Variants in SYT9 observed in about 807,000 individuals in gnomAD.
The protein encoded by SYT9 is synaptotagmin 9, also known as synaptotagmin-9.
Under a neutral mutation model 48.4 loss-of-function variants are expected in SYT9, and 22 were observed. The ratio of observed to expected loss-of-function variants is 0.45; its 90% confidence interval spans 0.32 to 0.65. The LOEUF (loss-of-function observed/expected upper bound fraction) is 0.65, where lower values mean the gene tolerates loss of function less well. Ranked by LOEUF, SYT9 falls within the 30% of genes least tolerant of loss-of-function variation. The pLI is 0.03. For missense variants in SYT9, 577 were observed against 622.0 expected (o/e 0.93, Z 0.77); for synonymous variants, 265 against 245.0 (o/e 1.08, Z -0.76).
chr11:7,293,077 G>A (rs921321013), intron 1 of SYT9, among the ~76,000 whole-genome samples: 5 of 152,152 alleles, frequency 3.3e-5, no homozygotes, highest in Non-Finnish European at 5.9e-5. Context: ...GGTGATGCCA[G>A]TGTGAAGAGG....
At chr11:7,429,411 C>A (rs1847524603) in intron 6 of SYT9, among the ~76,000 whole-genome samples, 1 of 152,086 alleles carries the variant, frequency 6.6e-6, no homozygotes, top group African/African-American at 2.4e-5. Context: ...TATAGAAGAT[C>A]CAGGTTTAGG....
intron 1 of SYT9, among the ~76,000 whole-genome samples, chr11:7,258,743 A>C (rs1363780343): frequency 1.3e-5 from 2 of 152,132 alleles, no homozygotes. Flanking sequence ...GTAAATGCTC[A>C]AATAAATGAT....
At chr11:7,326,538 A>G (rs1295678504) in intron 3 of SYT9, among the ~76,000 whole-genome samples, 5 of 151,446 alleles carry the variant, frequency 3.3e-5, no homozygotes, top group Non-Finnish European at 7.4e-5. Flanking sequence ...CGGTCTATCA[A>G]TTTTGTTGAT....
intron 6 of SYT9, among the ~76,000 whole-genome samples, chr11:7,466,242 T>C (rs1848332671): frequency 6.6e-6 from 1 of 152,212 alleles, no homozygotes; most frequent in Non-Finnish European, 1.5e-5. Context: ...ATGCTCTCTA[T>C]AGACCTCCTC....
chr11:7,283,164 TACACAC>T (rs1200255879), intron 1 of SYT9, among the ~76,000 whole-genome samples: 5 of 138,364 alleles, frequency 3.6e-5, no homozygotes, highest in Non-Finnish European at 6.3e-5. Flanking sequence ...TATATATATA[TACACAC>T]ACACACACAC....
rs201098536 is a variant in SYT9 at position 7,313,018 on chromosome 11, AATTAT to A, written c.498-369_498-365del. Among the ~76,000 whole-genome samples, 1,517 of 152,360 alleles carry A rather than the reference AATTAT, an allele frequency of 1.0e-2. 19 individuals are homozygous for A. Among genetic ancestry groups the A allele is most frequent in the African/African-American group, 0.033 (1,393 of 41,584 alleles). ...CAACACTTGGCTATTTCAATTTCAG[AATTAT>A]ATTATATATAAAGTTGAATAATTTT... On this transcript the variant is annotated intron_variant, in intron 2 of 6. Coordinates refer to ENST00000318881, the MANE Select transcript of SYT9 (RefSeq NM_175733.4).
chr11:7,258,897 C>G (rs1040306095), intron 1 of SYT9, among the ~76,000 whole-genome samples: 2 of 151,870 alleles, frequency 1.3e-5, no homozygotes, highest in Admixed American at 1.3e-4. Context: ...ATTTTATTAC[C>G]TCTTATTAGC....
chr11:7,410,672 T>G (rs541407567), intron 3 of SYT9, among the ~76,000 whole-genome samples: 1 of 152,320 alleles, frequency 6.6e-6, no homozygotes, highest in Non-Finnish European at 1.5e-5. Flanking sequence ...TAGCTACTTC[T>G]GCTGACTTTG....
intron 3 of SYT9, among the ~76,000 whole-genome samples, chr11:7,369,655 A>G (rs1850319643): frequency 6.6e-6 from 1 of 151,654 alleles, no homozygotes; most frequent in Non-Finnish European, 1.5e-5. Context: ...TTTTTGTGTA[A>G]GGTGTAAGGA....
intron 1 of SYT9, among the ~76,000 whole-genome samples, chr11:7,264,346 T>C (rs1848133965): frequency 2.0e-5 from 3 of 151,872 alleles, no homozygotes; most frequent in African/African-American, 4.8e-5. Flanking sequence ...TCAGCATAGG[T>C]GTGTGTGTTT....
chr11:7,267,077 T>G, intron 1 of SYT9, among the ~76,000 whole-genome samples: 2 of 152,252 alleles, frequency 1.3e-5, no homozygotes, highest in Admixed American at 1.3e-4. Flanking sequence ...AAGTGAGACT[T>G]ATTTTAGGTT....
chr11:7,436,301 G>C (rs1013805590), intron 6 of SYT9, among the ~76,000 whole-genome samples: 2 of 152,194 alleles, frequency 1.3e-5, no homozygotes, highest in African/African-American at 2.4e-5. Context: ...ACTGAAGAAA[G>C]AGCAGGTTAG....
intron 6 of SYT9, among the ~76,000 whole-genome samples, chr11:7,424,235 A>C (rs942141507): frequency 6.6e-6 from 1 of 152,170 alleles, no homozygotes; most frequent in Non-Finnish European, 1.5e-5. Context: ...ATTCTGGATG[A>C]ATTCACTGCA....
intron 1 of SYT9, among the ~76,000 whole-genome samples, chr11:7,256,554 A>G (rs1309254105): frequency 1.3e-5 from 2 of 152,200 alleles, no homozygotes; most frequent in African/African-American, 4.8e-5. Context: ...GTCACATCAC[A>G]TGTACTGAAA....
Position 7,303,043 on chromosome 11 carries a change from C to T in SYT9, c.150C>T (p.Ile50=). 1.9e-6 allele frequency: 3 copies of T among 1,613,686 alleles called. No individual in the cohort carries two copies. The highest frequency in any genetic ancestry group is 2.5e-6 in the Non-Finnish European group (3 of 1,179,596). ...TTGATCTTTGCTTCTTTGCAGATAT[C>T]TCAGTGAGCCTGCTGACCCTTGTGG... ...RARPRLRDPD[I]SVSLLTLVVT... The change falls in exon 2 of 7, where the codon ATC becomes ATT. Residue 50 remains isoleucine, a synonymous_variant. Transcript: ENST00000318881.
chr11:7,262,165 C>A (rs183186904), intron 1 of SYT9, among the ~76,000 whole-genome samples: 84 of 152,174 alleles, frequency 5.5e-4, no homozygotes, highest in Non-Finnish European at 1.0e-3. Flanking sequence ...ACAACATTTA[C>A]TAATAGATGG....
At chr11:7,371,923 A>C (rs1473747857) in intron 3 of SYT9, among the ~76,000 whole-genome samples, 1 of 152,072 alleles carries the variant, frequency 6.6e-6, no homozygotes, top group Non-Finnish European at 1.5e-5. Context: ...GGGTTGTTTC[A>C]AATTTTTTGT....
At chr11:7,453,882 G>A (rs575351560) in intron 6 of SYT9, 9 of 537,992 alleles carry the variant, frequency 1.7e-5, no homozygotes, top group East Asian at 2.9e-4. Flanking sequence ...AGGCCAGGGC[G>A]CAGAGGGCAT....
chr11:7,453,660 G>T (rs79881235), intron 6 of SYT9, among the ~76,000 whole-genome samples: 12,151 of 152,272 alleles, frequency 0.08, 740 homozygotes, highest in Non-Finnish European at 0.13. Flanking sequence ...GCTGGGGAAG[G>T]CCCTGAGAAA....
Sources: gnomAD v4.1 joint callset for allele counts (sites outside exome capture counted in the v4.1 genomes callset) on GRCh38, gnomAD v4.1.1 for gene constraint, MANE v1.5 for transcripts, NCBI Gene and HGNC (gene_info 2026-07-23, HGNC 2026-07-21) for gene names.